Variants in MED25 observed in about 807,000 individuals in gnomAD.
MED25 encodes the protein mediator of RNA polymerase II transcription subunit 25.
A neutral mutation model predicts 89.4 loss-of-function variants in MED25; 62 were observed. The ratio of observed to expected loss-of-function variants is 0.69; its 90% CI spans 0.57 to 0.86. The LOEUF (loss-of-function observed/expected upper bound fraction) is 0.86, where lower values mean the gene tolerates loss of function less well. Ranked by LOEUF, MED25 falls within the 40% of genes least tolerant of loss-of-function variation. MED25 has a pLI of 0.00. For missense variants in MED25, 905 were observed against 1,005.2 expected, an observed-to-expected ratio of 0.90 and a Z score of 1.35; for synonymous variants, 449 against 427.9, an observed-to-expected ratio of 1.05 and a Z score of -0.61.
chr19:49,819,455 G>A lies in MED25; in HGVS notation c.305+159G>A, dbSNP rs115074359. The A allele has an allele frequency of 3.0e-3, 2,287 of 755,390 alleles. 37 individuals carry two copies. The African/African-American group carries it at 0.036, about 12-fold the overall frequency. The allele number at this position is 755,390 out of a possible 1,614,324, so 46.8% of individuals were successfully genotyped here. A position where few individuals can be genotyped will look rare whatever the true frequency, so the allele number is the denominator to read the frequency against. On this transcript the variant is annotated intron_variant, in intron 3 of 17. Coordinates refer to ENST00000312865, the MANE Select transcript of MED25 (RefSeq NM_030973.4). ...AGGGGCTGTGAATAAGTAATGGCTTGGGGTGGTTGGGGTCCCTGCGAGGGG... is the reference window on the plus strand; with the variant it reads ...AGGGGCTGTGAATAAGTAATGGCTTAGGGTGGTTGGGGTCCCTGCGAGGGG...
rs772781114 is a variant in MED25 at position 49,830,890 on chromosome 19, A to G, written c.1101+3A>G. The stretch of plus-strand genomic sequence containing the variant: ...CACAGCCCGGGGCACCGTCCATGGT[A>G]GGTGCCTGCACGCCTCCTGCCCCTG... On this transcript the variant is annotated splice_donor_region_variant and intron_variant, in intron 9 of 17. Coordinates refer to ENST00000312865, the MANE Select transcript of MED25 (RefSeq NM_030973.4). The surrounding 1 kb of genome is among the most constrained non-coding windows in gnomAD (Gnocchi z 4.6). 20 of 1,602,444 alleles carry G rather than the reference A, an allele frequency of 1.2e-5. No individual in the cohort carries two copies. Among genetic ancestry groups the G allele is most frequent in the Non-Finnish European group, 1.7e-5 (20 of 1,175,296 alleles).
downstream of MED25, chr19:49,838,981 T>C (rs1062894): frequency 2.9e-3 from 1,002 of 350,040 alleles, 12 homozygotes; most frequent in African/African-American, 0.02. Flanking sequence ...ACATGACTGT[T>C]GAGACCGTTA....
chr19:49,821,651 TGCTGA>T (rs2073982983), intron 3 of MED25, among the ~76,000 whole-genome samples: 4 of 150,728 alleles, frequency 2.7e-5, no homozygotes, highest in Non-Finnish European at 5.9e-5. Context: ...AGTGCTGGAG[TGCTGA>T]AATTACAGGC....
downstream of MED25, among the ~76,000 whole-genome samples, chr19:49,837,539 C>T (rs996424159): frequency 6.6e-5 from 10 of 152,088 alleles, no homozygotes; most frequent in African/African-American, 2.4e-4. Flanking sequence ...TAGGCCAGCT[C>T]TGGATGTCAG....
At position 49,832,506 on chromosome 19, in the gene MED25, C is replaced by T. The variant is rs998693711; in HGVS notation, c.1482+91C>T. 2.6e-5 allele frequency: 21 copies of T among 806,460 alleles called. No homozygotes were observed. In the East Asian group the frequency reaches 2.7e-4, roughly 10 times the overall value. The allele number at this position is 806,460 out of a possible 1,614,324, so 50.0% of individuals were successfully genotyped here. On this transcript the variant is annotated intron_variant, in intron 13 of 17. Coordinates refer to ENST00000312865, the MANE Select transcript of MED25 (RefSeq NM_030973.4). ...GGGAATCCCAGAGTGCCTGGGCCCA[C>T]GGAAGCCGTTTTTGATGGTTGGGTG...
Position 49,830,698 on chromosome 19 carries a change from G to T in MED25, c.912G>T (p.Ser304=). 1 of 1,613,886 alleles carries T rather than the reference G, an allele frequency of 6.2e-7. No individual in the cohort carries two copies. The highest frequency in any genetic ancestry group is 8.5e-7 in the Non-Finnish European group (1 of 1,179,920). ...NQKAGLGPRF[S]PITPLQQAAP... is the part of the protein sequence containing the mutation. ...TTCCCTTGGTCTCTCCCACAGTCTC[G>T]CCCATCACCCCTCTCCAACAAGCTG... is the stretch of plus-strand genomic sequence containing the variant. Residue 304 remains serine, a synonymous_variant, in exon 9 of 18, where the codon TCG becomes TCT. Coordinates refer to ENST00000312865, the MANE Select transcript of MED25 (RefSeq NM_030973.4). The surrounding 1 kb of genome is among the most constrained non-coding windows in gnomAD (Gnocchi z 4.6).
chr19:49,830,087 G>C lies in MED25; in HGVS notation c.689-1G>C. ...GGGTTGGCCATCCCTCCTGCTCTCA[G>C]TTGGGGGTGGCTCAGCCCCAGGCCC... On this transcript the variant is annotated splice_acceptor_variant, in intron 6 of 17. Transcript: ENST00000312865. LOFTEE classifies it high-confidence loss of function. This position sits in a 1 kb window ranked among gnomAD's most constrained non-coding sequence, Gnocchi z 4.6. 1 of 1,606,426 alleles carries C rather than the reference G, an allele frequency of 6.2e-7. No individual in the cohort carries two copies. Among genetic ancestry groups the C allele is most frequent in the South Asian group, 1.1e-5 (1 of 90,780 alleles).
chr19:49,832,795 G>A lies in MED25; in HGVS notation c.1482+380G>A, dbSNP rs562796794. ...CCAGTTCTGGAGGCCAGAAGCCCAA[G>A]GTCAGGGTGTCAGCAGGGCCACGCT... On this transcript the variant is annotated intron_variant, in intron 13 of 17. Transcript: ENST00000312865. The A allele has an allele frequency of 2.2e-3, 744 of 341,984 alleles. 3 individuals carry two copies. The highest frequency in any genetic ancestry group is 4.2e-3 in the Admixed American group (102 of 24,442). 21.2% of individuals were successfully genotyped at this position (341,984 alleles called of 1,614,324 possible).
chr19:49,832,510 A>G (rs556456285), intron 13 of MED25, 95 bp downstream of exon 13: 1 of 792,794 alleles, frequency 1.3e-6, no homozygotes, highest in Non-Finnish European at 2.2e-6. Flanking sequence ...GGCCCACGGA[A>G]GCCGTTTTTG....
Position 49,818,377 on chromosome 19 carries a change from G to C in MED25, c.36G>C (p.Gly12=), listed in dbSNP as rs774623083. 4 of 1,611,622 alleles carry C rather than the reference G, an allele frequency of 2.5e-6. No homozygotes were observed. Among genetic ancestry groups the C allele is most frequent in the East Asian group, 4.5e-5 (2 of 44,790 alleles). The part of the protein sequence containing the change: ...VPGSEGPARA[G]SVVADVVFVI... ...GGTCCGAGGGCCCGGCCCGCGCCGGGAGCGTGGTGGCCGACGTGGTGTTTG... is the reference window on the plus strand; with the variant it reads ...GGTCCGAGGGCCCGGCCCGCGCCGGCAGCGTGGTGGCCGACGTGGTGTTTG... The change falls in exon 1 of 18, where the codon GGG becomes GGC. Residue 12 remains glycine, a synonymous_variant. Coordinates refer to ENST00000312865, the MANE Select transcript of MED25 (RefSeq NM_030973.4).
Position 49,828,997 on chromosome 19 carries a change from C to A in MED25, c.432C>A (p.Leu144=), listed in dbSNP as rs150534771. Residue 144 remains leucine, a synonymous_variant, in exon 5 of 18, where the codon CTC becomes CTA. Coordinates refer to ENST00000312865, the MANE Select transcript of MED25 (RefSeq NM_030973.4). ...GCCAGACGCACCGGGTCTGCCTCCTCATCTGCAACTCACCCCCATACTTGT... is the reference window on the plus strand; with the variant it reads ...GCCAGACGCACCGGGTCTGCCTCCTAATCTGCAACTCACCCCCATACTTGT... ...QIGQTHRVCL[L]ICNSPPYLLP... 2 of 1,614,018 alleles carry A rather than the reference C, an allele frequency of 1.2e-6. No homozygotes were observed. The highest frequency in any genetic ancestry group is 2.7e-5 in the African/African-American group (2 of 74,918).
At chr19:49,825,760 G>C (rs1390101730) in intron 3 of MED25, among the ~76,000 whole-genome samples, 2 of 151,784 alleles carry the variant, frequency 1.3e-5, no homozygotes, top group Non-Finnish European at 2.9e-5. Flanking sequence ...GAACCCAGAA[G>C]TCGAAGGTAG....
At position 49,830,170 on chromosome 19, in the gene MED25, C is replaced by T. The variant is rs201142674; in HGVS notation, c.771C>T (p.Leu257=). 113 of 1,602,724 alleles carry T rather than the reference C, an allele frequency of 7.1e-5. No homozygotes were observed. The highest frequency in any genetic ancestry group is 9.4e-5 in the Non-Finnish European group (110 of 1,171,142). The change falls in exon 7 of 18, where the codon CTC becomes CTT. Residue 257 remains leucine, a synonymous_variant. Transcript: ENST00000312865. This position sits in a 1 kb window ranked among gnomAD's most constrained non-coding sequence, Gnocchi z 4.6. ...CCGCCGCACCCTCAGGTGCCACTCTCTCAGCAGCCCCCCAGCAGCCTCTGC... is the reference window on the plus strand; with the variant it reads ...CCGCCGCACCCTCAGGTGCCACTCTTTCAGCAGCCCCCCAGCAGCCTCTGC... ...LPPAAPSGAT[L]SAAPQQPLPP... is the part of the protein sequence containing the mutation.
chr19:49,838,077 C>T (rs1158616833), downstream of MED25, among the ~76,000 whole-genome samples: 1 of 152,068 alleles, frequency 6.6e-6, no homozygotes, highest in Non-Finnish European at 1.5e-5. Flanking sequence ...GGACTCTGGA[C>T]CAGTGTTGCT....
rs562933973 is a variant in MED25 at position 49,825,691 on chromosome 19, C to T, written c.306-2758C>T. ...TACTAAAAATACAAAATTAGCTGGGCGTGGTGCCGCATGCCTGTAATCCCA... is the reference window on the plus strand; with the variant it reads ...TACTAAAAATACAAAATTAGCTGGGTGTGGTGCCGCATGCCTGTAATCCCA... On this transcript the variant is annotated intron_variant, in intron 3 of 17. Transcript: ENST00000312865. Among the ~76,000 whole-genome samples the T allele has an allele frequency of 1.2e-3, 189 of 151,894 alleles. 3 individuals are homozygous for T. Among genetic ancestry groups the T allele is most frequent in the Non-Finnish European group, 1.5e-4 (10 of 67,930 alleles).
rs748649337 is a variant in MED25 at position 49,818,365 on chromosome 19, G to C, written c.24G>C (p.Pro8=). The C allele has an allele frequency of 3.7e-6, 6 of 1,606,748 alleles. No homozygotes were observed. Among genetic ancestry groups the C allele is most frequent in the Non-Finnish European group, 5.1e-6 (6 of 1,176,568 alleles). Residue 8 remains proline (P), a synonymous_variant, in exon 1 of 18, where the codon CCG becomes CCC. Coordinates refer to ENST00000312865, the MANE Select transcript of MED25 (RefSeq NM_030973.4). MVPGSEG[P]ARAGSVVADV... is the part of the protein sequence containing the mutation. Reference sequence around the variant, plus strand: ...GTATGGTCCCCGGGTCCGAGGGCCCGGCCCGCGCCGGGAGCGTGGTGGCCG... The same window carrying C: ...GTATGGTCCCCGGGTCCGAGGGCCCCGCCCGCGCCGGGAGCGTGGTGGCCG...
chr19:49,827,959 G>A lies in MED25; in HGVS notation c.306-490G>A, dbSNP rs369133893. Among the ~76,000 whole-genome samples the A allele has an allele frequency of 3.7e-4, 57 of 152,254 alleles. 1 individual carries two copies. In the South Asian group the frequency reaches 9.7e-3, roughly 26 times the overall value. ...AGACAACAAATGTCGGCCGGGTGTGGTGGCTCACTCCTGCAATCCCAGCAC... is the reference window on the plus strand; with the variant it reads ...AGACAACAAATGTCGGCCGGGTGTGATGGCTCACTCCTGCAATCCCAGCAC... On this transcript the variant is annotated intron_variant, in intron 3 of 17. Transcript: ENST00000312865.
At position 49,829,404 on chromosome 19, in the gene MED25, G is replaced by A. The variant is rs943154000; in HGVS notation, c.525+314G>A. 3.3e-5 allele frequency among the ~76,000 whole-genome samples: 5 copies of A among 152,064 alleles called. No individual in the cohort carries two copies. The highest frequency in any genetic ancestry group is 1.9e-4 in the East Asian group (1 of 5,190). The stretch of plus-strand genomic sequence containing the variant: ...AGCAATTCTCATGTTTCAGCCTCCC[G>A]AGTAGCTGGGATTATAGACGCCCGC... On this transcript the variant is annotated intron_variant, in intron 5 of 17. Coordinates refer to ENST00000312865, the MANE Select transcript of MED25 (RefSeq NM_030973.4). This position sits in a 1 kb window ranked among gnomAD's most constrained non-coding sequence, Gnocchi z 4.6.
rs1555800954 is a variant in MED25, at chr19:49,818,448, G to T, written c.107G>T (p.Arg36Leu). Residue 36 changes from arginine (R) to leucine (L), a missense_variant, in exon 1 of 18, where the codon CGC becomes CTC. Arg to Leu is a moderately radical substitution (Grantham distance 102, BLOSUM62 -2). Coordinates refer to ENST00000312865, the MANE Select transcript of MED25 (RefSeq NM_030973.4). ...CTGGGACCCTACTTCGAGGGGCTCC[G>T]CAAGCACTACCTGCTCCCGGCCATC... ...ANLGPYFEGL[R>L]KHYLLPAIEY... The T allele has an allele frequency of 1.2e-6, 2 of 1,614,156 alleles. No homozygotes were observed. Among genetic ancestry groups the T allele is most frequent in the Non-Finnish European group, 1.7e-6 (2 of 1,180,022 alleles).
Sources: gnomAD v4.1 joint callset for allele counts (sites outside exome capture counted in the v4.1 genomes callset) on GRCh38, gnomAD v4.1.1 for gene constraint, Gnocchi (gnomAD v3.1) non-coding constraint, MANE v1.5 for transcripts, NCBI Gene and HGNC (gene_info 2026-07-23, HGNC 2026-07-21) for gene names.